Variants in CAMK1D observed in about 807,000 individuals in gnomAD.
The protein encoded by CAMK1D is calcium/calmodulin-dependent protein kinase type 1D.
CAMK1D carries 9 observed loss-of-function variants against 47.7 expected under a neutral mutation model. The ratio of observed to expected loss-of-function variants is 0.19; its 90% CI spans 0.11 to 0.33. CAMK1D has a LOEUF of 0.33. CAMK1D is among the 10% of genes least tolerant of loss of function. The probability of loss-of-function intolerance (pLI) is 1.00; values close to 1 mark genes in which losing one functional copy is unlikely to be tolerated. For synonymous variants in CAMK1D, 184 were observed against 184.9 expected (o/e 0.99, Z 0.04); for missense variants, 291 against 488.7 (o/e 0.60, Z 3.81).
chr10:12,801,391 T>TATCTATCC (rs1242051924), intron 6 of CAMK1D, among the ~76,000 whole-genome samples: 29 of 145,422 alleles, frequency 2.0e-4, no homozygotes, highest in Non-Finnish European at 3.2e-4. Flanking sequence ...TCTATCTATC[T>TATCTATCC]ATCCATCCAT....
chr10:12,619,333 C>T (rs932716066), intron 2 of CAMK1D, among the ~76,000 whole-genome samples: 3 of 151,976 alleles, frequency 2.0e-5, no homozygotes, highest in African/African-American at 7.3e-5. Context: ...CTCTGTTGCC[C>T]AGGCTGGAGT....
intron 1 of CAMK1D, among the ~76,000 whole-genome samples, chr10:12,468,389 A>G (rs1833653010): frequency 6.6e-6 from 1 of 152,224 alleles, no homozygotes; most frequent in Middle Eastern, 3.2e-3. Flanking sequence ...AAGCAATTTT[A>G]AAGTGGTGAA....
At chr10:12,502,298 AC>A (rs1834729009) in intron 1 of CAMK1D, among the ~76,000 whole-genome samples, 1 of 152,114 alleles carries the variant, frequency 6.6e-6, no homozygotes, top group Admixed American at 6.5e-5. Context: ...CGGAAGGAGA[AC>A]CCAGCCAGGG....
chr10:12,751,656 C>G (rs1020698825), intron 3 of CAMK1D, among the ~76,000 whole-genome samples: 2 of 152,174 alleles, frequency 1.3e-5, no homozygotes, highest in African/African-American at 4.8e-5. Context: ...ATTGAGGGGT[C>G]TCATCTGGTC....
intron 3 of CAMK1D, among the ~76,000 whole-genome samples, chr10:12,742,685 G>A (rs1298797658): frequency 6.6e-6 from 1 of 152,188 alleles, no homozygotes; most frequent in East Asian, 1.9e-4. Context: ...ATATGAGCGA[G>A]TGAGGTGCCA....
intron 6 of CAMK1D, among the ~76,000 whole-genome samples, chr10:12,811,766 G>GT (rs1485838298): frequency 6.6e-6 from 1 of 152,160 alleles, no homozygotes. Flanking sequence ...CTAGAATTTA[G>GT]TTTTTTCTCC....
chr10:12,787,200 C>T (rs969636722), intron 5 of CAMK1D, among the ~76,000 whole-genome samples: 1 of 152,156 alleles, frequency 6.6e-6, no homozygotes, highest in Non-Finnish European at 1.5e-5. Flanking sequence ...TAAAAATTAG[C>T]CCCTTGCTTT....
intron 1 of CAMK1D, among the ~76,000 whole-genome samples, chr10:12,377,300 T>C (rs2131866881): frequency 6.6e-6 from 1 of 152,328 alleles, no homozygotes; most frequent in East Asian, 1.9e-4. Flanking sequence ...TAGGTATCCA[T>C]TGGCAAAAGG....
At chr10:12,489,281 A>G (rs932419997) in intron 1 of CAMK1D, among the ~76,000 whole-genome samples, 2 of 152,110 alleles carry the variant, frequency 1.3e-5, no homozygotes, top group Non-Finnish European at 2.9e-5. Flanking sequence ...GTATCGGTTT[A>G]TGGCCCGCAG....
At chr10:12,363,658 T>A (rs575997051) in intron 1 of CAMK1D, among the ~76,000 whole-genome samples, 3 of 149,968 alleles carry the variant, frequency 2.0e-5, no homozygotes, top group Non-Finnish European at 4.4e-5. Flanking sequence ...AGTTTTTGTT[T>A]CCTAAGGTTT....
At chr10:12,636,051 A>T (rs1319728839) in intron 2 of CAMK1D, among the ~76,000 whole-genome samples, 4 of 152,234 alleles carry the variant, frequency 2.6e-5, no homozygotes, top group Admixed American at 2.6e-4. Flanking sequence ...GGCAAAATAC[A>T]CATAACATAC....
intron 1 of CAMK1D, among the ~76,000 whole-genome samples, chr10:12,493,701 C>T (rs1319539653): frequency 6.6e-6 from 1 of 152,106 alleles, no homozygotes; most frequent in Admixed American, 6.5e-5. Context: ...ACTATGTTGG[C>T]CAGGCTGGTC....
intron 6 of CAMK1D, among the ~76,000 whole-genome samples, chr10:12,805,601 C>G (rs1838694709): frequency 6.6e-6 from 1 of 152,054 alleles, no homozygotes. Context: ...AACTCCTGAC[C>G]TCAAGCAATC....
intron 3 of CAMK1D, among the ~76,000 whole-genome samples, chr10:12,672,072 C>T (rs1239001881): frequency 1.3e-5 from 2 of 151,734 alleles, no homozygotes; most frequent in Non-Finnish European, 2.9e-5. Flanking sequence ...CCCGCCACCA[C>T]GCCTGGCTAA....
intron 2 of CAMK1D, among the ~76,000 whole-genome samples, chr10:12,612,320 G>C (rs1243920942): frequency 6.6e-6 from 1 of 151,088 alleles, no homozygotes; most frequent in Non-Finnish European, 1.5e-5. Flanking sequence ...TCCCAAATTG[G>C]GCTTTAATTA....
intron 8 of CAMK1D, among the ~76,000 whole-genome samples, chr10:12,823,709 G>C (rs904781725): frequency 6.6e-6 from 1 of 151,964 alleles, no homozygotes; most frequent in Admixed American, 6.6e-5. Flanking sequence ...AAGCTTACCC[G>C]GGGCTGCCAA....
intron 6 of CAMK1D, among the ~76,000 whole-genome samples, chr10:12,803,257 G>A (rs567569976): frequency 1.3e-5 from 2 of 152,352 alleles, no homozygotes; most frequent in African/African-American, 4.8e-5. Flanking sequence ...CTCTATTGTA[G>A]AAAAGTAAAT....
chr10:12,442,603 T>C (rs1348633956), intron 1 of CAMK1D, among the ~76,000 whole-genome samples: 1 of 152,238 alleles, frequency 6.6e-6, no homozygotes, highest in Non-Finnish European at 1.5e-5. Context: ...ACACTGTTTT[T>C]AGTTTTTTTG....
chr10:12,760,534 C>G (rs1009621472), intron 3 of CAMK1D: 13 of 158,600 alleles, frequency 8.2e-5, no homozygotes, highest in African/African-American at 3.1e-4. Context: ...ATCCCGTTGG[C>G]AGGCCAGCGT....
Sources: allele counts gnomAD v4.1 joint callset (sites outside exome capture counted in the v4.1 genomes callset), GRCh38; gene constraint gnomAD v4.1.1; transcripts MANE v1.5; gene names NCBI Gene and HGNC (gene_info 2026-07-23, HGNC 2026-07-21).